The following SLIT1 variants were observed in gnomAD, a reference collection of about 807,000 sequenced individuals.
The protein encoded by SLIT1 is slit homolog 1 protein.
SLIT1 carries 66 observed loss-of-function variants against 186.1 expected under a neutral mutation model. The ratio of observed to expected loss-of-function variants is 0.35; its 90% CI spans 0.29 to 0.44. The LOEUF (loss-of-function observed/expected upper bound fraction) is 0.44, where lower values mean the gene tolerates loss of function less well. Ranked by LOEUF, SLIT1 falls within the 20% of genes least tolerant of loss-of-function variation. The pLI is 1.00. For missense variants in SLIT1, 1,638 were observed against 2,037.4 expected (o/e 0.80, Z 3.77); for synonymous variants, 761 against 833.8 (o/e 0.91, Z 1.50).
Position 97,004,278 on chromosome 10 carries a change from C to T in SLIT1, c.3711-56G>A. ...GAGTGGGCATCAGTCTGGACCATCCCTGCCTGGGCACTTCCCCAGAAACAC... is the reference window on the plus strand; with the variant it reads ...GAGTGGGCATCAGTCTGGACCATCCTTGCCTGGGCACTTCCCCAGAAACAC... On this transcript the variant is annotated intron_variant, in intron 33 of 36. Transcript: ENST00000266058. The surrounding 1 kb of genome is among the most constrained non-coding windows in gnomAD (Gnocchi z 5.1). The T allele has an allele frequency of 6.5e-7, 1 of 1,543,728 alleles. No homozygotes were observed. Among genetic ancestry groups the T allele is most frequent in the East Asian group, 2.3e-5 (1 of 43,942 alleles).
At chr10:97,025,076 C>A (rs1848533330) in intron 25 of SLIT1, among the ~76,000 whole-genome samples, 1 of 152,162 alleles carries the variant, frequency 6.6e-6, no homozygotes, top group African/African-American at 2.4e-5. Context: ...TCAAGACCAG[C>A]CTGGCCAACA....
At chr10:97,149,195 C>T (rs1391180132) in intron 4 of SLIT1, among the ~76,000 whole-genome samples, 2 of 152,240 alleles carry the variant, frequency 1.3e-5, no homozygotes, top group Non-Finnish European at 2.9e-5. Context: ...CCATGCTGGG[C>T]GCATCAGCCC....
At chr10:97,055,535 A>T (rs1368764829) in intron 13 of SLIT1, among the ~76,000 whole-genome samples, 20 of 151,750 alleles carry the variant, frequency 1.3e-4, no homozygotes, top group Admixed American at 7.9e-4. Context: ...CTACTTTTTA[A>T]AAAAAAATTT....
intron 25 of SLIT1, among the ~76,000 whole-genome samples, chr10:97,025,645 C>T (rs1385650498): frequency 1.3e-5 from 2 of 152,160 alleles, no homozygotes; most frequent in Non-Finnish European, 2.9e-5. Context: ...ACACCGCAGC[C>T]AGGCCACGCC....
At chr10:97,175,384 T>C (rs184423420) in intron 1 of SLIT1, among the ~76,000 whole-genome samples, 1 of 152,318 alleles carries the variant, frequency 6.6e-6, no homozygotes, top group East Asian at 1.9e-4. Context: ...TGAGACCCTG[T>C]GTTCAGTTCT....
rs567717174 is a variant in SLIT1, at chr10:97,144,122, C to T, written c.413+13696G>A. 1.3e-4 allele frequency among the ~76,000 whole-genome samples: 19 copies of T among 151,820 alleles called. No individual in the cohort carries two copies. The South Asian group carries it at 3.8e-3, about 30-fold the overall frequency. On this transcript the variant is annotated intron_variant, in intron 4 of 36. Coordinates refer to ENST00000266058, the MANE Select transcript of SLIT1 (RefSeq NM_003061.3). The stretch of plus-strand genomic sequence containing the variant: ...CTGAGGCACAAGAATCTCTTGAACC[C>T]GGGAGGTGGAGGTTGCAGTGAGCCG...
chr10:97,145,445 G>A (rs1849807507), intron 4 of SLIT1, among the ~76,000 whole-genome samples: 2 of 152,032 alleles, frequency 1.3e-5, no homozygotes, highest in Non-Finnish European at 2.9e-5. Flanking sequence ...TTTCCTACAT[G>A]GAAAGCACTT....
At chr10:97,141,958 C>T (rs992705283) in intron 4 of SLIT1, among the ~76,000 whole-genome samples, 2 of 152,198 alleles carry the variant, frequency 1.3e-5, no homozygotes, top group East Asian at 3.9e-4. Flanking sequence ...TACCACCACA[C>T]CCAGCGAATT....
At position 96,998,068 on chromosome 10, in the gene SLIT1, A is replaced by AAGAC; in HGVS notation, c.*3040_*3043dup. The AAGAC allele has an allele frequency of 6.6e-6, 1 of 152,394 alleles. No individual in the cohort carries two copies. Among genetic ancestry groups the AAGAC allele is most frequent in the East Asian group, 1.9e-4 (1 of 5,190 alleles). The allele number at this position is 152,394 out of a possible 1,614,324, so 9.4% of individuals were successfully genotyped here. On this transcript the variant is annotated 3_prime_UTR_variant, in exon 37 of 37. Coordinates refer to ENST00000266058, the MANE Select transcript of SLIT1 (RefSeq NM_003061.3). ...GTGACTCAATGTCATGTTCACATGG[A>AAGAC]AGACAACAGACAATATCGACATAGT...
intron 4 of SLIT1, among the ~76,000 whole-genome samples, chr10:97,156,414 CA>C (rs946996412): frequency 1.4e-4 from 21 of 152,126 alleles, no homozygotes; most frequent in African/African-American, 5.1e-4. Context: ...CCCGTCTCTA[CA>C]AAAAATTAAA....
At position 97,014,093 on chromosome 10, in the gene SLIT1, T is replaced by C. The variant is rs897975239; in HGVS notation, c.3035A>G (p.His1012Arg). Residue 1012 changes from histidine (H) to arginine (R), a missense_variant, in exon 29 of 37, where the codon CAT becomes CGT. Coordinates refer to ENST00000266058, the MANE Select transcript of SLIT1 (RefSeq NM_003061.3). ...ACAGACGCCCCCATTGGCACAGGCA[T>C]GATCCACACAGTCATCTGTGTTCAC... ...CGVNTDDCVD[H>R]ACANGGVCVD... The C allele has an allele frequency of 4.3e-6, 7 of 1,613,776 alleles. No individual in the cohort carries two copies. In the African/African-American group the frequency reaches 9.3e-5, roughly 22 times the overall value.
intron 25 of SLIT1, among the ~76,000 whole-genome samples, chr10:97,024,158 T>A (rs1355897214): frequency 1.3e-5 from 2 of 152,246 alleles, no homozygotes; most frequent in Non-Finnish European, 2.9e-5. Flanking sequence ...CTTGCCATTT[T>A]CCACCTGTTT....
intron 23 of SLIT1, among the ~76,000 whole-genome samples, chr10:97,033,384 G>C (rs1848609158): frequency 6.6e-6 from 1 of 152,168 alleles, no homozygotes; most frequent in African/African-American, 2.4e-5. Flanking sequence ...GGGACACTTG[G>C]TAATATGTTC....
intron 4 of SLIT1, among the ~76,000 whole-genome samples, chr10:97,072,125 C>T (rs757679088): frequency 1.1e-4 from 16 of 152,120 alleles, no homozygotes; most frequent in Non-Finnish European, 2.2e-4. Flanking sequence ...TGGGATAGAA[C>T]AGAGAGGGCT....
At chr10:97,066,651 C>T (rs1269834086) in intron 4 of SLIT1, among the ~76,000 whole-genome samples, 2 of 152,148 alleles carry the variant, frequency 1.3e-5, no homozygotes, top group African/African-American at 4.8e-5. Flanking sequence ...TTCAGGCTTC[C>T]GCCATGAGAA....
At chr10:97,139,590 C>T (rs1849737763) in intron 4 of SLIT1, among the ~76,000 whole-genome samples, 1 of 152,206 alleles carries the variant, frequency 6.6e-6, no homozygotes, top group Admixed American at 6.5e-5. Flanking sequence ...TGGGACACCA[C>T]TGGTTGTTTG....
intron 1 of SLIT1, among the ~76,000 whole-genome samples, chr10:97,175,266 G>A (rs1181092189): frequency 6.6e-6 from 1 of 152,186 alleles, no homozygotes; most frequent in Non-Finnish European, 1.5e-5. Flanking sequence ...TATATATATA[G>A]ATCACATTTT....
In SLIT1 at chr10:97,031,628, C is replaced by T; in HGVS notation, c.2488G>A (p.Gly830Arg). 6.4e-7 allele frequency: 1 copy of T among 1,552,086 alleles called. No homozygotes were observed. Among genetic ancestry groups the T allele is most frequent in the Non-Finnish European group, 8.7e-7 (1 of 1,147,106 alleles). ...LQCIPPLAFQGLRSLRLLSLH... is the reference protein window; with the variant it reads ...LQCIPPLAFQRLRSLRLLSLH... ...TACAGCAGGCGCAGGGAGCGGAGTC[C>T]CTGGAAGGCCAAAGGCGGGATGCAC... Residue 830 changes from glycine (G) to arginine (R), a missense_variant, in exon 24 of 37, where the codon GGA (glycine) becomes AGA (arginine). Physicochemically the swap from Gly to Arg is moderately radical, Grantham distance 125 (BLOSUM62 -2). Coordinates refer to ENST00000266058, the MANE Select transcript of SLIT1 (RefSeq NM_003061.3).
chr10:97,015,850 C>T (rs1314148247), intron 28 of SLIT1, among the ~76,000 whole-genome samples: 2 of 151,642 alleles, frequency 1.3e-5, no homozygotes, highest in Admixed American at 6.6e-5. Context: ...GGGACAGAGA[C>T]GCATGGCAGA....
Sources: gnomAD v4.1 joint callset for allele counts (sites outside exome capture counted in the v4.1 genomes callset) on GRCh38, gnomAD v4.1.1 for gene constraint, Gnocchi (gnomAD v3.1) non-coding constraint, MANE v1.5 for transcripts, NCBI Gene and HGNC (gene_info 2026-07-23, HGNC 2026-07-21) for gene names.